The following POU2F1 variants were observed in gnomAD, a reference collection of about 807,000 sequenced individuals.
The protein encoded by POU2F1 is POU class 2 homeobox 1.
A neutral mutation model predicts 84.9 loss-of-function variants in POU2F1; 16 were observed. That is an observed-to-expected ratio of 0.19 (90% CI 0.13 to 0.29). POU2F1 has a LOEUF of 0.29. Among genes scored for constraint, POU2F1 ranks in the 10% least tolerant of loss-of-function variants. The pLI is 1.00. For synonymous variants in POU2F1, 368 were observed against 368.3 expected (o/e 1.00, Z 0.01); for missense variants, 738 against 942.6 (o/e 0.78, Z 2.84).
intron 1 of POU2F1, among the ~76,000 whole-genome samples, chr1:167,310,108 A>T (rs1416347691): frequency 6.6e-6 from 1 of 152,194 alleles, no homozygotes; most frequent in Non-Finnish European, 1.5e-5. Context: ...TGGTCTAGGG[A>T]TATTGATTAA....
At chr1:167,341,227 A>G (rs1262078642) in intron 2 of POU2F1, among the ~76,000 whole-genome samples, 1 of 152,170 alleles carries the variant, frequency 6.6e-6, no homozygotes, top group African/African-American at 2.4e-5. Context: ...ATTATCTTTG[A>G]AAACTTACCA....
chr1:167,406,026 G>A (rs1018423943), intron 13 of POU2F1, among the ~76,000 whole-genome samples: 4 of 151,816 alleles, frequency 2.6e-5, no homozygotes, highest in Admixed American at 6.6e-5. Flanking sequence ...CTATCAGGCC[G>A]GTATTACCCA....
intron 2 of POU2F1, among the ~76,000 whole-genome samples, chr1:167,340,097 A>G (rs1196712746): frequency 6.6e-6 from 1 of 152,078 alleles, no homozygotes; most frequent in Non-Finnish European, 1.5e-5. Context: ...TTCTTTTTTT[A>G]AGATGGAATT....
At chr1:167,222,473 T>A (rs1476385298) in intron 1 of POU2F1, among the ~76,000 whole-genome samples, 4 of 152,124 alleles carry the variant, frequency 2.6e-5, no homozygotes, top group African/African-American at 9.7e-5. Context: ...GCTTTTGTGG[T>A]TCGATATGAT....
rs558215058 is a variant in POU2F1, at chr1:167,367,301, T to TG, written c.228+1735dup. Among the ~76,000 whole-genome samples the TG allele has an allele frequency of 3.8e-4, 58 of 152,342 alleles. No homozygotes were observed. The South Asian group carries it at 6.0e-3, about 16-fold the overall frequency. ...ACAAAATCGATGGCTTTAGGTCTGT[T>TG]GCCCCATTAACTATAAGTTCCATGA... On this transcript the variant is annotated intron_variant, in intron 3 of 15. Coordinates refer to ENST00000367866, the MANE Select transcript of POU2F1 (RefSeq NM_002697.4).
At chr1:167,385,694 G>GA (rs1174214475) in intron 8 of POU2F1, among the ~76,000 whole-genome samples, 3 of 152,008 alleles carry the variant, frequency 2.0e-5, no homozygotes, top group African/African-American at 4.8e-5. Context: ...AAAAAGCTTG[G>GA]AAAAAAATCT....
In POU2F1 at chr1:167,421,612, T is replaced by C. The variant is rs1182658773; in HGVS notation, c.*5802T>C. 1 of 152,216 alleles carries C rather than the reference T, an allele frequency of 6.6e-6. No homozygotes were observed. The highest frequency in any genetic ancestry group is 1.5e-5 in the Non-Finnish European group (1 of 68,040). 9.4% of individuals were successfully genotyped at this position (152,216 alleles called of 1,614,324 possible). A position where few individuals can be genotyped will look rare whatever the true frequency, so the allele number is the denominator to read the frequency against. ...TAAATGTGAGTGAATTTTATGTTGA[T>C]TATGTCACCTGGATCTCCTTTCCTT... On this transcript the variant is annotated 3_prime_UTR_variant, in exon 16 of 16. Coordinates refer to ENST00000367866, the MANE Select transcript of POU2F1 (RefSeq NM_002697.4).
At position 167,398,127 on chromosome 1, in the gene POU2F1, C is replaced by G; in HGVS notation, c.1263C>G (p.Phe421Leu). Reference sequence around the variant, plus strand: ...TCCGTGTGGCCTTAGAGAAGAGTTTCTTGGAGGTCAGTGAGGATTTTACTT... The same window carrying G: ...TCCGTGTGGCCTTAGAGAAGAGTTTGTTGGAGGTCAGTGAGGATTTTACTT... ...TNIRVALEKS[F>L]LENQKPTSEE... is the part of the protein sequence containing the mutation. The change falls in exon 11 of 16, where the codon TTC becomes TTG. Residue 421 changes from phenylalanine (F) to leucine (L), a missense_variant. Transcript: ENST00000367866. The G allele has an allele frequency of 6.2e-7, 1 of 1,613,738 alleles. No individual in the cohort carries two copies. Among genetic ancestry groups the G allele is most frequent in the Non-Finnish European group, 8.5e-7 (1 of 1,179,864 alleles).
At chr1:167,368,164 A>G (rs1474211636) in intron 3 of POU2F1, among the ~76,000 whole-genome samples, 2 of 152,212 alleles carry the variant, frequency 1.3e-5, no homozygotes, top group Non-Finnish European at 2.9e-5. Context: ...GTCTTCTTCA[A>G]TCCAGAACAA....
intron 1 of POU2F1, among the ~76,000 whole-genome samples, chr1:167,232,491 AGT>A (rs2102344380): frequency 6.6e-6 from 1 of 152,366 alleles, no homozygotes; most frequent in East Asian, 1.9e-4. Flanking sequence ...ATAGCTGTAC[AGT>A]GTGTTTGAAA....
chr1:167,315,406 T>C (rs997923690), intron 1 of POU2F1, among the ~76,000 whole-genome samples: 7 of 152,190 alleles, frequency 4.6e-5, no homozygotes, highest in Non-Finnish European at 1.0e-4. Context: ...TGTACGAATG[T>C]TTACAGCAGG....
chr1:167,333,174 A>G (rs1408965271), intron 2 of POU2F1, among the ~76,000 whole-genome samples: 1 of 152,210 alleles, frequency 6.6e-6, no homozygotes, highest in Non-Finnish European at 1.5e-5. Context: ...GAAAATTATC[A>G]TATAAATGAG....
intron 2 of POU2F1, among the ~76,000 whole-genome samples, chr1:167,339,109 C>T (rs1394350550): frequency 6.6e-6 from 1 of 152,130 alleles, no homozygotes; most frequent in Non-Finnish European, 1.5e-5. Context: ...CTTATGGCCC[C>T]TTCCTCCATC....
chr1:167,412,166 C>G lies in POU2F1; in HGVS notation c.1763C>G (p.Thr588Arg). The change falls in exon 14 of 16, where the codon ACA becomes AGA. Residue 588 changes from threonine (T) to arginine (R), a missense_variant. This residue lies in a region of POU2F1 where 319 missense variants were observed against 386.0 expected (regional missense o/e 0.83). Coordinates refer to ENST00000367866, the MANE Select transcript of POU2F1 (RefSeq NM_002697.4). The part of the protein sequence containing the change: ...SPLGTSQVMV[T>R]ASGLQTAAAA... ...CTTGGGACCAGCCAGGTGATGGTGA[C>G]AGCATCAGGTTTGCAAACAGCAGCA... The G allele has an allele frequency of 6.2e-7, 1 of 1,614,178 alleles. No individual in the cohort carries two copies. Among genetic ancestry groups the G allele is most frequent in the South Asian group, 1.1e-5 (1 of 91,078 alleles).
intron 7 of POU2F1, 57 bp downstream of exon 7, chr1:167,376,212 C>A: frequency 6.4e-7 from 1 of 1,559,810 alleles, no homozygotes; most frequent in Non-Finnish European, 8.7e-7. Context: ...CTGAATGTTA[C>A]ACATGCATGA....
At chr1:167,307,293 A>G (rs540631962) in intron 1 of POU2F1, among the ~76,000 whole-genome samples, 5 of 152,282 alleles carry the variant, frequency 3.3e-5, no homozygotes, top group Admixed American at 6.5e-5. Flanking sequence ...GGACTCCTCT[A>G]TAAGATCTTG....
chr1:167,313,436 C>A, intron 1 of POU2F1, among the ~76,000 whole-genome samples: 1 of 152,012 alleles, frequency 6.6e-6, no homozygotes, highest in East Asian at 1.9e-4. Context: ...TATTATATAG[C>A]CACAGGAATC....
rs776956136 is a variant in POU2F1, at chr1:167,415,518, C to G, written c.2009C>G (p.Ser670Cys). 4.3e-6 allele frequency: 7 copies of G among 1,613,926 alleles called. No homozygotes were observed. Among genetic ancestry groups the G allele is most frequent in the South Asian group, 2.2e-5 (2 of 91,070 alleles). The change falls in exon 16 of 16, where the codon TCT becomes TGT. Residue 670 changes from serine to cysteine, a missense_variant. Around this residue, in one of 4 missense-constraint regions of POU2F1, gnomAD observed 319 missense variants for 386.0 expected, o/e 0.83. Coordinates refer to ENST00000367866, the MANE Select transcript of POU2F1 (RefSeq NM_002697.4). ...TCTGTAGCTCTTGCTTCTGGTGGCT[C>G]TCTTCCAATAACATCACTTGATGCA... ...ATIQALASGG[S>C]LPITSLDATG... is the part of the protein sequence containing the mutation.
intron 1 of POU2F1, among the ~76,000 whole-genome samples, chr1:167,307,378 A>T (rs1184263832): frequency 6.6e-6 from 1 of 151,362 alleles, no homozygotes; most frequent in African/African-American, 2.4e-5. Flanking sequence ...TTTCATATTT[A>T]TGTAAAAATT....
Sources: gnomAD v4.1 joint callset for allele counts (sites outside exome capture counted in the v4.1 genomes callset) on GRCh38, gnomAD v4.1.1 for gene constraint, gnomAD v4.1.1 regional missense constraint, MANE v1.5 for transcripts, NCBI Gene and HGNC (gene_info 2026-07-23, HGNC 2026-07-21) for gene names.